Variants in MAP2K2 observed in about 807,000 individuals in gnomAD.
MAP2K2 encodes dual specificity mitogen-activated protein kinase kinase 2.
In MAP2K2, 24 loss-of-function variants were observed where a neutral mutation model predicts 43.7. That is an observed-to-expected ratio of 0.55 (90% confidence interval 0.40 to 0.77). MAP2K2 has a LOEUF of 0.77. Among genes scored for constraint, MAP2K2 ranks in the 30% least tolerant of loss-of-function variants. The pLI is 0.00. For synonymous variants in MAP2K2, 244 were observed against 239.7 expected, an observed-to-expected ratio of 1.02 and a Z score of -0.17; for missense variants, 470 against 566.8, an observed-to-expected ratio of 0.83 and a Z score of 1.73.
rs774968670 is a variant in MAP2K2, at chr19:4,123,824, T to C, written c.52A>G (p.Ile18Val). ...CTGGTAGGGGATGGGCCCTCGGCGATGGTAGGGTTGATGGTGAGCGCCGGC... is the reference window on the plus strand; with the variant it reads ...CTGGTAGGGGATGGGCCCTCGGCGACGGTAGGGTTGATGGTGAGCGCCGGC... ...VLPALTINPT[I>V]AEGPSPTSEG... is the part of the protein sequence containing the mutation. Residue 18 changes from isoleucine to valine, a missense_variant, in exon 1 of 11, where the codon ATC becomes GTC. Ile to Val is a conservative substitution (Grantham distance 29). Transcript: ENST00000262948. 1.3e-6 allele frequency: 2 copies of C among 1,564,472 alleles called. No individual in the cohort carries two copies. Among genetic ancestry groups the C allele is most frequent in the South Asian group, 1.2e-5 (1 of 85,070 alleles).
chr19:4,091,541 C>T (rs1414924533), intron 10 of MAP2K2, among the ~76,000 whole-genome samples: 9 of 151,806 alleles, frequency 5.9e-5, no homozygotes, highest in East Asian at 3.9e-4. Flanking sequence ...TTAGTAGAGA[C>T]GGGGATTCAC....
chr19:4,119,086 G>A (rs1400149836), intron 1 of MAP2K2, among the ~76,000 whole-genome samples: 1 of 152,176 alleles, frequency 6.6e-6, no homozygotes, highest in Non-Finnish European at 1.5e-5. Context: ...CCAAGCTGGG[G>A]TGCAGCGGCA....
At chr19:4,097,718 G>A (rs1361786909) in intron 7 of MAP2K2, among the ~76,000 whole-genome samples, 1 of 152,206 alleles carries the variant, frequency 6.6e-6, no homozygotes, top group African/African-American at 2.4e-5. Context: ...GACCTTGCAT[G>A]GAGCTGCTGG....
chr19:4,100,857 G>A, intron 6 of MAP2K2, 162 bp downstream of exon 6: 1 of 800,808 alleles, frequency 1.2e-6, no homozygotes, highest in South Asian at 1.7e-5. Flanking sequence ...AAAGCCTCGT[G>A]GGAGGCGGGG....
intron 9 of MAP2K2, chr19:4,095,175 C>T (rs2040899152): frequency 3.5e-6 from 2 of 563,580 alleles, no homozygotes; most frequent in Non-Finnish European, 6.4e-6. Flanking sequence ...TCCTGCTTCA[C>T]CCCTGGGCTC....
intron 8 of MAP2K2, among the ~76,000 whole-genome samples, chr19:4,097,005 AC>A (rs1172314005): frequency 6.8e-6 from 1 of 147,316 alleles, no homozygotes; most frequent in Admixed American, 7.0e-5. Context: ...AAGCCACTGC[AC>A]TACAAAGCTA....
intron 1 of MAP2K2, among the ~76,000 whole-genome samples, chr19:4,121,604 C>A (rs1470550016): frequency 1.1e-5 from 1 of 92,854 alleles, no homozygotes; most frequent in Non-Finnish European, 2.1e-5. Flanking sequence ...TAACCTGACC[C>A]CCCCAGAATC....
Position 4,099,207 on chromosome 19 carries a change from C to A in MAP2K2, c.913G>T (p.Val305Phe). Reference protein sequence around the residue: ...SPRPRPPGRPVSGHGMDSRPA... With the variant: ...SPRPRPPGRPFSGHGMDSRPA... ...TTGCAGATTCAGGCCGTACCGCTGA[C>A]GGGGCGCCCGGGGGGCCTCGGCCGA... The change falls in exon 7 of 11, where the codon GTC becomes TTC. Residue 305 changes from valine (V) to phenylalanine (F), a missense_variant. By Grantham distance (50) the Val-to-Phe change is conservative. This residue lies in a region of MAP2K2 where 212 missense variants were observed against 220.8 expected (regional missense o/e 0.96). Transcript: ENST00000262948. 1.2e-6 allele frequency: 2 copies of A among 1,601,784 alleles called. No homozygotes were observed. The highest frequency in any genetic ancestry group is 1.7e-6 in the Non-Finnish European group (2 of 1,175,156).
At position 4,109,331 on chromosome 19, in the gene MAP2K2, C is replaced by G. The variant is rs184523011; in HGVS notation, c.450+1178G>C. On this transcript the variant is annotated intron_variant, in intron 3 of 10. Transcript: ENST00000262948. ...AGTCAATGAAGGGGGTGCCTGTACCCCACCCTAGAGACTGTGGTCCCACAG... is the reference window on the plus strand; with the variant it reads ...AGTCAATGAAGGGGGTGCCTGTACCGCACCCTAGAGACTGTGGTCCCACAG... Among the ~76,000 whole-genome samples, 375 of 152,306 alleles carry G rather than the reference C, an allele frequency of 2.5e-3. 2 individuals carry two copies. Among genetic ancestry groups the G allele is most frequent in the Non-Finnish European group, 3.4e-3 (233 of 68,028 alleles).
intron 1 of MAP2K2, among the ~76,000 whole-genome samples, chr19:4,123,546 T>TCCC (rs1363632502): frequency 4.7e-5 from 3 of 63,564 alleles, no homozygotes; most frequent in South Asian, 1.2e-3. Flanking sequence ...CGCCCCGTCC[T>TCCC]CCGAGGGCCC....
chr19:4,114,100 C>T (rs2041190440), intron 2 of MAP2K2, among the ~76,000 whole-genome samples: 1 of 152,156 alleles, frequency 6.6e-6, no homozygotes, highest in Admixed American at 6.6e-5. Flanking sequence ...CAACACTGGG[C>T]AGCGTAGCAA....
chr19:4,109,855 C>A (rs146676674), intron 3 of MAP2K2, among the ~76,000 whole-genome samples: 3 of 152,040 alleles, frequency 2.0e-5, no homozygotes, highest in Non-Finnish European at 4.4e-5. Flanking sequence ...GGTGTGCCTG[C>A]GAGTCAGTGC....
At chr19:4,102,884 T>A in intron 3 of MAP2K2, 1 of 1,163,640 alleles carries the variant, frequency 8.6e-7, no homozygotes, top group Non-Finnish European at 1.1e-6. Flanking sequence ...GCCTGCGTCC[T>A]CTTCCCAGCA....
At position 4,097,351 on chromosome 19, in the gene MAP2K2, G is replaced by C; in HGVS notation, c.920-8C>G. 6 of 1,611,196 alleles carry C rather than the reference G, an allele frequency of 3.7e-6. No homozygotes were observed. The highest frequency in any genetic ancestry group is 5.1e-6 in the Non-Finnish European group (6 of 1,178,200). On this transcript the variant is annotated splice_region_variant and splice_polypyrimidine_tract_variant and intron_variant, in intron 7 of 10. Coordinates refer to ENST00000262948, the MANE Select transcript of MAP2K2 (RefSeq NM_030662.4). ...GGCTATCCATCCCGTGACCTGCACA[G>C]GGAGAGAGATGGAGGTGAGATGGGC...
At chr19:4,106,861 C>A (rs1198691434) in intron 3 of MAP2K2, among the ~76,000 whole-genome samples, 1 of 152,220 alleles carries the variant, frequency 6.6e-6, no homozygotes, top group African/African-American at 2.4e-5. Context: ...ATGGACATGT[C>A]CAGTTTCCAT....
rs776316565 is a variant in MAP2K2, at chr19:4,101,273, C to G, written c.536G>C (p.Arg179Pro). The G allele has an allele frequency of 6.3e-7, 1 of 1,581,954 alleles. No individual in the cohort carries two copies. Among genetic ancestry groups the G allele is most frequent in the Admixed American group, 1.8e-5 (1 of 54,642 alleles). ...ILGKVSIAVL[R>P]GLAYLREKHQ... ...CTTCTCTCGGAGGTACGCCAAGCCCCGGAGAACCTGCAGGGGAGCGCGGAG... is the reference window on the plus strand; with the variant it reads ...CTTCTCTCGGAGGTACGCCAAGCCCGGGAGAACCTGCAGGGGAGCGCGGAG... Residue 179 changes from arginine to proline, a missense_variant, in exon 5 of 11, where the codon CGG becomes CCG. By Grantham distance (103) the Arg-to-Pro change is moderately radical. Around this residue, in one of 3 missense-constraint regions of MAP2K2, gnomAD observed 200 missense variants for 297.9 expected, o/e 0.67. Transcript: ENST00000262948. The surrounding 1 kb of genome is among the most constrained non-coding windows in gnomAD (Gnocchi z 6.3).
intron 2 of MAP2K2, 37 bp downstream of exon 2, chr19:4,117,382 C>T (rs1188518655): frequency 2.5e-6 from 4 of 1,593,472 alleles, no homozygotes; most frequent in South Asian, 2.2e-5. Context: ...GGACCTTCCC[C>T]ACCACTCCCC....
At position 4,102,522 on chromosome 19, in the gene MAP2K2, C is replaced by G. The variant is rs113143475; in HGVS notation, c.451-69G>C. On this transcript the variant is annotated intron_variant, in intron 3 of 10. Coordinates refer to ENST00000262948, the MANE Select transcript of MAP2K2 (RefSeq NM_030662.4). ...CCGGGAAGCCACGGATGCGTCCCCC[C>G]ACTCCCGGCGAGGGGGTGGTCTGCC... 1.3e-3 allele frequency: 1,566 copies of G among 1,224,144 alleles called. 10 individuals carry two copies. The African/African-American group carries it at 0.02, about 16-fold the overall frequency. 75.8% of individuals were successfully genotyped at this position (1,224,144 alleles called of 1,614,324 possible). A position where few individuals can be genotyped will look rare whatever the true frequency, so the allele number is the denominator to read the frequency against.
chr19:4,107,475 G>C (rs1423656463), intron 3 of MAP2K2, among the ~76,000 whole-genome samples: 1 of 129,338 alleles, frequency 7.7e-6, no homozygotes, highest in Admixed American at 9.1e-5. Context: ...AGTGAGCCAA[G>C]ATTGTGCCAC....
Sources: gnomAD v4.1 joint callset for allele counts (sites outside exome capture counted in the v4.1 genomes callset) on GRCh38, gnomAD v4.1.1 for gene constraint, gnomAD v4.1.1 regional missense constraint, Gnocchi (gnomAD v3.1) non-coding constraint, MANE v1.5 for transcripts, NCBI Gene and HGNC (gene_info 2026-07-23, HGNC 2026-07-21) for gene names.